The following IL3RA variants were observed in gnomAD, a reference collection of about 807,000 sequenced individuals.
IL3RA encodes interleukin-3 receptor subunit alpha.
IL3RA carries 73 observed loss-of-function variants against 52.3 expected under a neutral mutation model. The observed-to-expected ratio is 1.40, with a 90% CI of 1.16 to 1.70. The LOEUF is 1.70. Among genes scored for constraint, IL3RA ranks in the 40% most tolerant of loss-of-function variants. IL3RA has a pLI of 0.00. For missense variants in IL3RA, 664 were observed against 504.4 expected (o/e 1.32, Z -3.03); for synonymous variants, 260 against 194.0 (o/e 1.34, Z -2.83).
At chrX:1,347,213 A>T (rs1311630069) in intron 3 of IL3RA, among the ~76,000 whole-genome samples, 2 of 150,710 alleles carry the variant, frequency 1.3e-5, no homozygotes, top group Admixed American at 6.6e-5. Context: ...TTGGAGGCCG[A>T]GGCGGGTGGA....
intron 6 of IL3RA, among the ~76,000 whole-genome samples, chrX:1,353,118 GAC>G (rs1395159019): frequency 3.4e-5 from 5 of 146,034 alleles, no homozygotes; most frequent in African/African-American, 5.1e-5. Context: ...TGGGTCATGG[GAC>G]ACCCCCCATC....
At chrX:1,338,906 TCTC>T (rs1383538634) in intron 1 of IL3RA, among the ~76,000 whole-genome samples, 1 of 152,038 alleles carries the variant, frequency 6.6e-6, no homozygotes, top group East Asian at 1.9e-4. Flanking sequence ...TTCAAGCAAT[TCTC>T]CTGCCTCAGC....
chrX:1,344,055 A>G (rs1344871500), intron 2 of IL3RA, among the ~76,000 whole-genome samples: 1 of 151,872 alleles, frequency 6.6e-6, no homozygotes, highest in East Asian at 2.0e-4. Flanking sequence ...TGGCCTCCCA[A>G]AGTGCTGGGA....
chrX:1,363,171 C>T (rs1188976663), intron 8 of IL3RA, among the ~76,000 whole-genome samples: 1 of 152,122 alleles, frequency 6.6e-6, no homozygotes, highest in African/African-American at 2.4e-5. Flanking sequence ...ACGACATCTG[C>T]CATGAACAGG....
At chrX:1,349,114 CCTT>C (rs1313356458) in intron 4 of IL3RA, among the ~76,000 whole-genome samples, 7 of 151,598 alleles carry the variant, frequency 4.6e-5, no homozygotes, top group African/African-American at 7.3e-5. Context: ...CTCAAACAAT[CCTT>C]CTGCCTCAGC....
intron 8 of IL3RA, among the ~76,000 whole-genome samples, chrX:1,361,643 C>T (rs1313825709): frequency 7.9e-5 from 12 of 151,256 alleles, no homozygotes; most frequent in African/African-American, 7.3e-5. Context: ...GTCCCAGCTA[C>T]TCGGGAGGCT....
intron 9 of IL3RA, among the ~76,000 whole-genome samples, chrX:1,367,892 A>C: frequency 6.6e-6 from 1 of 150,968 alleles, no homozygotes; most frequent in Non-Finnish European, 1.5e-5. Flanking sequence ...TCACTCCCCC[A>C]GTTTCTGTGA....
In IL3RA at chrX:1,345,873, T is replaced by A. The variant is rs1308713648; in HGVS notation, c.183+439T>A. ...AATACTGCTCCCATCGCTGGTGTCA[T>A]GACTACCTGGTTTCTGCCCCGAAGT... On this transcript the variant is annotated intron_variant, in intron 3 of 11. Transcript: ENST00000331035. Among the ~76,000 whole-genome samples, 5 of 152,106 alleles carry A rather than the reference T, an allele frequency of 3.3e-5. 1 individual carries two copies. In the South Asian group the frequency reaches 1.0e-3, roughly 32 times the overall value.
rs368486678 is a variant in IL3RA, at chrX:1,378,785, G to A, written c.980+21G>A. The A allele has an allele frequency of 6.2e-5, 99 of 1,594,536 alleles. No homozygotes were observed. In the East Asian group the frequency reaches 9.4e-4, roughly 15 times the overall value. On this transcript the variant is annotated intron_variant, in intron 10 of 11. Coordinates refer to ENST00000331035, the MANE Select transcript of IL3RA (RefSeq NM_002183.4). ...AGAAGGTGAGCCCTCGAGGGCGTCC[G>A]CGAGCGTCGCTTGTTTCCAGTGTGA...
At chrX:1,368,390 G>A (rs1190317151) in intron 9 of IL3RA, among the ~76,000 whole-genome samples, 1 of 151,954 alleles carries the variant, frequency 6.6e-6, no homozygotes, top group Admixed American at 6.6e-5. Context: ...TTCGAGACCA[G>A]CCTGACCAAC....
chrX:1,341,122 A>C (rs2085472115), intron 1 of IL3RA, among the ~76,000 whole-genome samples: 1 of 151,640 alleles, frequency 6.6e-6, no homozygotes, highest in Admixed American at 6.6e-5. Context: ...TGTCACAAAA[A>C]ATAAATAAAT....
intron 1 of IL3RA, among the ~76,000 whole-genome samples, chrX:1,339,157 A>G (rs2085399485): frequency 6.6e-6 from 1 of 152,076 alleles, no homozygotes; most frequent in Non-Finnish European, 1.5e-5. Flanking sequence ...ATATTAATCA[A>G]TAAATGTTAA....
intron 1 of IL3RA, among the ~76,000 whole-genome samples, chrX:1,337,609 A>T (rs1419308584): frequency 2.0e-5 from 3 of 151,488 alleles, no homozygotes; most frequent in Non-Finnish European, 4.4e-5. Flanking sequence ...ACAATAGCCA[A>T]GAGGTGGAGA....
rs376736982 is a variant in IL3RA at position 1,343,000 on chromosome X, G to A, written c.64+1171G>A. Among the ~76,000 whole-genome samples the A allele has an allele frequency of 2.9e-4, 44 of 151,650 alleles. No individual in the cohort carries two copies. The East Asian group carries it at 6.2e-3, about 21-fold the overall frequency. On this transcript the variant is annotated intron_variant, in intron 2 of 11. Coordinates refer to ENST00000331035, the MANE Select transcript of IL3RA (RefSeq NM_002183.4). Reference sequence around the variant, plus strand: ...TGAGGCAGGAGAGTCGCTTGAACCCGGGAGGAGGAGGTTGCAGTGAGCCTA... The same window carrying A: ...TGAGGCAGGAGAGTCGCTTGAACCCAGGAGGAGGAGGTTGCAGTGAGCCTA...
chrX:1,345,436 T>C lies in IL3RA; in HGVS notation c.183+2T>C. On this transcript the variant is annotated splice_donor_variant, in intron 3 of 11. Coordinates refer to ENST00000331035, the MANE Select transcript of IL3RA (RefSeq NM_002183.4). LOFTEE classifies it high-confidence loss of function. ...AAAGACGCCGACTATTCTATGCCGGTAAATCATACTCTCTATTGTTTTTTT... is the reference window on the plus strand; with the variant it reads ...AAAGACGCCGACTATTCTATGCCGGCAAATCATACTCTCTATTGTTTTTTT... The C allele has an allele frequency of 6.5e-7, 1 of 1,528,648 alleles. No individual in the cohort carries two copies. Among genetic ancestry groups the C allele is most frequent in the Non-Finnish European group, 9.0e-7 (1 of 1,111,900 alleles). The allele number at this position is 1,528,648 out of a possible 1,614,324, so 94.7% of individuals were successfully genotyped here.
At position 1,363,439 on chromosome X, in the gene IL3RA, C is replaced by T. The variant is rs1176951863; in HGVS notation, c.760-1699C>T. 1.3e-4 allele frequency among the ~76,000 whole-genome samples: 20 copies of T among 151,080 alleles called. No homozygotes were observed. The East Asian group carries it at 1.4e-3, about 11-fold the overall frequency. ...CCTCAGCCTCCTGAGTAGCTGGGAC[C>T]TCAGGCGCCCGCCACCGGGCCCGGC... On this transcript the variant is annotated intron_variant, in intron 8 of 11. Transcript: ENST00000331035.
chrX:1,377,741 C>G (rs186153587), intron 9 of IL3RA, among the ~76,000 whole-genome samples: 2 of 149,494 alleles, frequency 1.3e-5, no homozygotes, highest in African/African-American at 2.5e-5. Flanking sequence ...TCACGGCTCA[C>G]TGTAGCCTCG....
Position 1,381,093 on chromosome X carries a change from AACG to A in IL3RA, c.1054_1056del (p.Asp352del), listed in dbSNP as rs1335977060. On this transcript the variant is annotated inframe_deletion, in exon 11 of 12. Transcript: ENST00000331035. ...AGACCCCATCGGTGACAGCTTCCAA[AACG>A]ACAAGCTGGTATGTTGTTTTTTCTG... 3 of 1,613,734 alleles carry A rather than the reference AACG, an allele frequency of 1.9e-6. No individual in the cohort carries two copies. The highest frequency in any genetic ancestry group is 2.2e-5 in the South Asian group (2 of 91,058).
chrX:1,361,507 C>T (rs2087358665), intron 8 of IL3RA, among the ~76,000 whole-genome samples: 2 of 152,020 alleles, frequency 1.3e-5, no homozygotes, highest in African/African-American at 2.4e-5. Flanking sequence ...ATCACAGCAC[C>T]TTGGGAGGAC....
Sources: gnomAD v4.1 joint callset for allele counts (sites outside exome capture counted in the v4.1 genomes callset) on GRCh38, gnomAD v4.1.1 for gene constraint, MANE v1.5 for transcripts, NCBI Gene and HGNC (gene_info 2026-07-23, HGNC 2026-07-21) for gene names.